The following KBTBD11 variants were observed in gnomAD, a reference collection of about 807,000 sequenced individuals.
KBTBD11 encodes the protein kelch repeat and BTB domain containing 11.
For synonymous variants in KBTBD11, 747 were observed against 499.0 expected, an observed-to-expected ratio of 1.50 and a Z score of -6.63; for missense variants, 1,390 against 1,001.8, an observed-to-expected ratio of 1.39 and a Z score of -5.23.
At chr8:1,974,009 AGGGGGCGGC>A in intron 1 of KBTBD11, 74 bp downstream of exon 1, 1 of 303,486 alleles carries the variant, frequency 3.3e-6, no homozygotes, top group Non-Finnish European at 4.2e-6. Context: ...CGCGGGTCGG[AGGGGGCGGC>A]GGGTGGGAGG....
intron 1 of KBTBD11, among the ~76,000 whole-genome samples, chr8:1,978,995 G>C (rs1323299584): frequency 6.6e-6 from 1 of 152,222 alleles, no homozygotes; most frequent in African/African-American, 2.4e-5. Flanking sequence ...GCAGGCACAG[G>C]AGAACTGCTG....
chr8:1,987,225 A>T (rs1168743320), intron 1 of KBTBD11, among the ~76,000 whole-genome samples: 4 of 152,156 alleles, frequency 2.6e-5, no homozygotes, highest in Non-Finnish European at 5.9e-5. Context: ...TAATGTTTAA[A>T]ATATACATAA....
chr8:2,000,596 C>G lies in KBTBD11; in HGVS notation c.-597C>G, dbSNP rs931062531. On this transcript the variant is annotated 5_prime_UTR_variant, in exon 2 of 2. The change creates a new upstream start codon in the 5' untranslated region. Coordinates refer to ENST00000320248, the MANE Select transcript of KBTBD11 (RefSeq NM_014867.3). ...CTCTTTTCAAGACACGGTGTTAAATCAAGGCTCTGAAGTTGGGGCCACAGC... is the reference window on the plus strand; with the variant it reads ...CTCTTTTCAAGACACGGTGTTAAATGAAGGCTCTGAAGTTGGGGCCACAGC... 1.3e-5 allele frequency: 2 copies of G among 152,340 alleles called. No homozygotes were observed. Among genetic ancestry groups the G allele is most frequent in the African/African-American group, 4.8e-5 (2 of 41,458 alleles). 9.4% of individuals were successfully genotyped at this position (152,340 alleles called of 1,614,324 possible). A position where few individuals can be genotyped will look rare whatever the true frequency, so the allele number is the denominator to read the frequency against.
chr8:1,974,000 G>T (rs1816217017), intron 1 of KBTBD11, 65 bp downstream of exon 1: 1 of 980,626 alleles, frequency 1.0e-6, no homozygotes, highest in Non-Finnish European at 1.2e-6. Context: ...AGCCCGAGGC[G>T]CGGGTCGGAG....
chr8:1,982,677 A>T (rs894247638), intron 1 of KBTBD11, among the ~76,000 whole-genome samples: 4 of 152,208 alleles, frequency 2.6e-5, no homozygotes, highest in Admixed American at 2.0e-4. Flanking sequence ...GTACAATGCA[A>T]GCAGCATTTT....
At chr8:1,986,049 T>C (rs1284978240) in intron 1 of KBTBD11, among the ~76,000 whole-genome samples, 1 of 152,256 alleles carries the variant, frequency 6.6e-6, no homozygotes, top group Non-Finnish European at 1.5e-5. Context: ...TCTTGATTTC[T>C]GCATCAAAAA....
chr8:2,003,093 G>T lies in KBTBD11; in HGVS notation c.*29G>T, dbSNP rs1393406560. Reference sequence around the variant, plus strand: ...GGCGGGGTCGGCGGGCGTCTCCCTCGGCAGGGGTTTGCGGGGCCCAGGTCC... The same window carrying T: ...GGCGGGGTCGGCGGGCGTCTCCCTCTGCAGGGGTTTGCGGGGCCCAGGTCC... On this transcript the variant is annotated 3_prime_UTR_variant, in exon 2 of 2. Transcript: ENST00000320248. The T allele has an allele frequency of 3.1e-5, 39 of 1,258,520 alleles. No individual in the cohort carries two copies. The highest frequency in any genetic ancestry group is 3.9e-5 in the Non-Finnish European group (39 of 998,050). The allele number at this position is 1,258,520 out of a possible 1,614,324, so 78.0% of individuals were successfully genotyped here.
intron 1 of KBTBD11, among the ~76,000 whole-genome samples, chr8:1,995,326 G>A (rs1585749099): frequency 6.6e-6 from 1 of 152,082 alleles, no homozygotes; most frequent in Non-Finnish European, 1.5e-5. Flanking sequence ...AAGAGCAGAA[G>A]CCACTTTTCT....
rs1817424776 is a variant in KBTBD11 at position 2,002,549 on chromosome 8, A to G, written c.1357A>G (p.Thr453Ala). The G allele has an allele frequency of 3.2e-6, 5 of 1,569,952 alleles. No individual in the cohort carries two copies. The highest frequency in any genetic ancestry group is 1.4e-5 in the African/African-American group (1 of 72,498). Reference sequence around the variant, plus strand: ...CGCCTTCGCCGTGGCGCATGAGGCCACCACCTGCCACGGCGAGATCTACGT... The same window carrying G: ...CGCCTTCGCCGTGGCGCATGAGGCCGCCACCTGCCACGGCGAGATCTACGT... ...RGAFAVAHEA[T>A]TCHGEIYVSG... The change falls in exon 2 of 2, where the codon ACC (threonine) becomes GCC (alanine). Residue 453 changes from threonine (T) to alanine (A), a missense_variant. By Grantham distance (58) the Thr-to-Ala change is moderately conservative. Transcript: ENST00000320248. The surrounding 1 kb of genome is among the most constrained non-coding windows in gnomAD (Gnocchi z 4.1).
chr8:2,001,977 A>G lies in KBTBD11; in HGVS notation c.785A>G (p.His262Arg), dbSNP rs759183435. The change falls in exon 2 of 2, where the codon CAC (histidine) becomes CGC (arginine). Residue 262 changes from histidine to arginine, a missense_variant. Coordinates refer to ENST00000320248, the MANE Select transcript of KBTBD11 (RefSeq NM_014867.3). Reference protein sequence around the residue: ...RDAAYCFMSDHYLEVLREPAV... With the variant: ...RDAAYCFMSDRYLEVLREPAV... ...GCCGCCTACTGCTTCATGAGCGACC[A>G]CTATCTGGAGGTGCTGCGCGAGCCC... 4.8e-6 allele frequency: 7 copies of G among 1,462,322 alleles called. No homozygotes were observed. Among genetic ancestry groups the G allele is most frequent in the Non-Finnish European group, 5.4e-6 (6 of 1,103,296 alleles). The allele number at this position is 1,462,322 out of a possible 1,614,324, so 90.6% of individuals were successfully genotyped here.
At chr8:1,992,932 T>G (rs1816971812) in intron 1 of KBTBD11, among the ~76,000 whole-genome samples, 1 of 152,056 alleles carries the variant, frequency 6.6e-6, no homozygotes, top group Non-Finnish European at 1.5e-5. Flanking sequence ...AACTTGCTTT[T>G]ATTTTGTTAT....
chr8:1,995,748 G>C (rs577973550), intron 1 of KBTBD11, among the ~76,000 whole-genome samples: 2 of 152,310 alleles, frequency 1.3e-5, no homozygotes, highest in Admixed American at 1.3e-4. Flanking sequence ...TCCTGACCGG[G>C]CATGGTGGCT....
intron 1 of KBTBD11, among the ~76,000 whole-genome samples, chr8:1,989,867 C>G (rs1382704669): frequency 6.7e-6 from 1 of 149,326 alleles, no homozygotes; most frequent in Non-Finnish European, 1.5e-5. Flanking sequence ...AGGGGTGAAT[C>G]CCTGCTAATT....
Position 1,973,694 on chromosome 8 carries a change from C to G in KBTBD11, c.-1150C>G, listed in dbSNP as rs1235577329. ...CCCTCCCCGCGCCCCGCGCGCGCCCCTCGCAGCCTGGAGCCGGAGCGCTGG... is the reference window on the plus strand; with the variant it reads ...CCCTCCCCGCGCCCCGCGCGCGCCCGTCGCAGCCTGGAGCCGGAGCGCTGG... On this transcript the variant is annotated 5_prime_UTR_variant, in exon 1 of 2. Transcript: ENST00000320248. 1 of 983,692 alleles carries G rather than the reference C, an allele frequency of 1.0e-6. No individual in the cohort carries two copies. Among genetic ancestry groups the G allele is most frequent in the Non-Finnish European group, 1.2e-6 (1 of 829,314 alleles). The allele number at this position is 983,692 out of a possible 1,614,324, so 60.9% of individuals were successfully genotyped here.
intron 1 of KBTBD11, among the ~76,000 whole-genome samples, chr8:1,989,578 A>T (rs531284836): frequency 6.6e-6 from 1 of 152,316 alleles, no homozygotes; most frequent in South Asian, 2.1e-4. Context: ...AGACGCTTGC[A>T]TTTTTTAAAA....
chr8:2,001,377 C>G lies in KBTBD11; in HGVS notation c.185C>G (p.Ala62Gly). Residue 62 changes from alanine to glycine, a missense_variant, in exon 2 of 2, where the codon GCC becomes GGC. Transcript: ENST00000320248. The part of the protein sequence containing the change: ...QSLASAAEGA[A>G]TSPPSSGGPR... The stretch of plus-strand genomic sequence containing the variant: ...CTCGCCTCAGCGGCGGAAGGCGCGG[C>G]CACCTCCCCGCCCTCCAGCGGTGGC... 8 of 1,467,006 alleles carry G rather than the reference C, an allele frequency of 5.5e-6. No individual in the cohort carries two copies. The highest frequency in any genetic ancestry group is 7.2e-6 in the Non-Finnish European group (8 of 1,112,938). 90.9% of individuals were successfully genotyped at this position (1,467,006 alleles called of 1,614,324 possible).
intron 1 of KBTBD11, among the ~76,000 whole-genome samples, chr8:1,984,111 A>G (rs1816631312): frequency 6.6e-6 from 1 of 152,036 alleles, no homozygotes; most frequent in African/African-American, 2.4e-5. Context: ...AACAAGAGCG[A>G]CCGTCTGAAA....
At chr8:1,986,019 C>T (rs190799274) in intron 1 of KBTBD11, among the ~76,000 whole-genome samples, 7 of 152,222 alleles carry the variant, frequency 4.6e-5, no homozygotes, top group Non-Finnish European at 5.9e-5. Context: ...TAACTGCACT[C>T]TTGTTTGACA....
chr8:1,991,488 G>A (rs1816914796), intron 1 of KBTBD11, among the ~76,000 whole-genome samples: 1 of 152,238 alleles, frequency 6.6e-6, no homozygotes, highest in Non-Finnish European at 1.5e-5. Context: ...TTTCTGCTGT[G>A]TGCATTGTTT....
Sources: gnomAD v4.1 joint callset for allele counts (sites outside exome capture counted in the v4.1 genomes callset) on GRCh38, gnomAD v4.1.1 for gene constraint, Gnocchi (gnomAD v3.1) non-coding constraint, MANE v1.5 for transcripts, NCBI Gene and HGNC (gene_info 2026-07-23, HGNC 2026-07-21) for gene names.